The following PDP2 variants were observed in gnomAD, a reference collection of about 807,000 sequenced individuals.
PDP2 encodes the protein [Pyruvate dehydrogenase [acetyl-transferring]]-phosphatase 2, mitochondrial.
A neutral mutation model predicts 34.2 loss-of-function variants in PDP2; 23 were observed. That is an observed-to-expected ratio of 0.67 (90% confidence interval 0.48 to 0.95). The LOEUF (loss-of-function observed/expected upper bound fraction) is 0.95. Ranked by LOEUF, PDP2 falls within the 40% of genes least tolerant of loss-of-function variation. The pLI is 0.00. For synonymous variants in PDP2, 275 were observed against 269.2 expected, an observed-to-expected ratio of 1.02 and a Z score of -0.21; for missense variants, 571 against 659.6, an observed-to-expected ratio of 0.87 and a Z score of 1.47.
Position 66,885,322 on chromosome 16 carries a change from G to C in PDP2, c.1038G>C (p.Arg346Ser). Residue 346 changes from arginine to serine, a missense_variant, in exon 2 of 2, where the codon AGG becomes AGC. This residue lies in a region of PDP2 where 281 missense variants were observed against 375.8 expected (regional missense o/e 0.75). Coordinates refer to ENST00000311765, the MANE Select transcript of PDP2 (RefSeq NM_020786.4). This position sits in a 1 kb window ranked among gnomAD's most constrained non-coding sequence, Gnocchi z 4.6. The stretch of plus-strand genomic sequence containing the variant: ...TACTGGGCGTCCTCATCCCCTGCAG[G>C]GCCTTTGGGGATGTTCAGCTGAAGT... The part of the protein sequence containing the change: ...DRLLGVLIPC[R>S]AFGDVQLKWS... The C allele has an allele frequency of 6.2e-7, 1 of 1,613,992 alleles. No individual in the cohort carries two copies. The highest frequency in any genetic ancestry group is 1.1e-5 in the South Asian group (1 of 91,066).
In PDP2 at chr16:66,885,910, G is replaced by C. The variant is rs201365694; in HGVS notation, c.*36G>C. On this transcript the variant is annotated 3_prime_UTR_variant, in exon 2 of 2. Coordinates refer to ENST00000311765, the MANE Select transcript of PDP2 (RefSeq NM_020786.4). The surrounding 1 kb of genome is among the most constrained non-coding windows in gnomAD (Gnocchi z 4.6). The stretch of plus-strand genomic sequence containing the variant: ...TCCTATTGTCAAGGTTAACATAAAT[G>C]CTCTTCTAAAATGTTTCACTTACTC... The C allele has an allele frequency of 3.0e-5, 46 of 1,553,298 alleles. No homozygotes were observed. The East Asian group carries it at 6.8e-4, about 23-fold the overall frequency.
rs553848015 is a variant in PDP2 at position 66,887,380 on chromosome 16, C to A, written c.*1506C>A. 1 of 166,930 alleles carries A rather than the reference C, an allele frequency of 6.0e-6. No homozygotes were observed. The highest frequency in any genetic ancestry group is 1.5e-5 in the Non-Finnish European group (1 of 68,098). 10.3% of individuals were successfully genotyped at this position (166,930 alleles called of 1,614,324 possible). ...CCAACAATTTTATTTGCCTCTACTA[C>A]GTCAGGCAGAATTCTTCAATTAAGT... On this transcript the variant is annotated 3_prime_UTR_variant, in exon 2 of 2. Coordinates refer to ENST00000311765, the MANE Select transcript of PDP2 (RefSeq NM_020786.4).
intron 1 of PDP2, among the ~76,000 whole-genome samples, chr16:66,882,333 G>A (rs545590910): frequency 2.6e-5 from 4 of 152,258 alleles, no homozygotes; most frequent in Admixed American, 2.0e-4. Flanking sequence ...CTATGTAGGA[G>A]GCTGAGGCAG....
chr16:66,885,013 GC>G lies in PDP2; in HGVS notation c.730del (p.Leu244TrpfsTer11), dbSNP rs771525009. 1.9e-6 allele frequency: 3 copies of G among 1,613,280 alleles called. No homozygotes were observed. On this transcript the variant is annotated frameshift_variant, in exon 2 of 2. Coordinates refer to ENST00000311765, the MANE Select transcript of PDP2 (RefSeq NM_020786.4). LOFTEE classifies it high-confidence loss of function. The surrounding 1 kb of genome is among the most constrained non-coding windows in gnomAD (Gnocchi z 4.6). ...SFQRLDSDIS[L>X]EIQAPLEDEV... is the part of the protein sequence containing the mutation. ...TCCAGAGACTGGATTCTGACATCTCGCTGGAAATCCAGGCCCCCCTGGAAGA... is the reference window on the plus strand; with the variant it reads ...TCCAGAGACTGGATTCTGACATCTCGTGGAAATCCAGGCCCCCCTGGAAGA...
In PDP2 at chr16:66,888,021, CCTTCCTTCCTTCCTTCCTTCCTT is replaced by C. The variant is rs1961851389; in HGVS notation, c.*2149_*2171del. The C allele has an allele frequency of 7.0e-6, 1 of 143,146 alleles. No individual in the cohort carries two copies. The highest frequency in any genetic ancestry group is 2.6e-5 in the African/African-American group (1 of 38,504). The allele number at this position is 143,146 out of a possible 1,614,324, so 8.9% of individuals were successfully genotyped here. A position where few individuals can be genotyped will look rare whatever the true frequency, so the allele number is the denominator to read the frequency against. ...TCCTTCCTTCCTTCCTTCCTTCCTT[CCTTCCTTCCTTCCTTCCTTCCTT>C]CCTTCCTTCCTTCCTCTCTCTCTCT... On this transcript the variant is annotated 3_prime_UTR_variant, in exon 2 of 2. Coordinates refer to ENST00000311765, the MANE Select transcript of PDP2 (RefSeq NM_020786.4).
At position 66,887,896 on chromosome 16, in the gene PDP2, G is replaced by A. The variant is rs1961832447; in HGVS notation, c.*2022G>A. 1 of 150,116 alleles carries A rather than the reference G, an allele frequency of 6.7e-6. No homozygotes were observed. The highest frequency in any genetic ancestry group is 6.7e-5 in the Admixed American group (1 of 15,024). The allele number at this position is 150,116 out of a possible 1,614,324, so 9.3% of individuals were successfully genotyped here. On this transcript the variant is annotated 3_prime_UTR_variant, in exon 2 of 2. Coordinates refer to ENST00000311765, the MANE Select transcript of PDP2 (RefSeq NM_020786.4). ...GAACCCGGGAGGCGGAGGTTGCGGT[G>A]AGCCAAGATCGCACCATTGCACTCC...
rs768483735 is a variant in PDP2, at chr16:66,884,445, G to T, written c.161G>T (p.Cys54Phe). The T allele has an allele frequency of 6.2e-7, 1 of 1,614,204 alleles. No individual in the cohort carries two copies. The highest frequency in any genetic ancestry group is 8.5e-7 in the Non-Finnish European group (1 of 1,180,042). Reference protein sequence around the residue: ...RVPPTLNSSPCGGFTLCKAYR... With the variant: ...RVPPTLNSSPFGGFTLCKAYR... ...CCACCCACCCTAAACAGTTCCCCAT[G>T]TGGTGGCTTTACTCTGTGCAAAGCC... The change falls in exon 2 of 2, where the codon TGT becomes TTT. Residue 54 changes from cysteine to phenylalanine, a missense_variant. Transcript: ENST00000311765.
chr16:66,881,140 G>C (rs973106430), intron 1 of PDP2, among the ~76,000 whole-genome samples: 2 of 152,196 alleles, frequency 1.3e-5, no homozygotes, highest in African/African-American at 2.4e-5. Flanking sequence ...GGACCTGTCT[G>C]TTTTCTTTAA....
chr16:66,881,431 TAATTTA>T (rs869083036), intron 1 of PDP2, among the ~76,000 whole-genome samples: 3 of 113,960 alleles, frequency 2.6e-5, no homozygotes, highest in African/African-American at 1.3e-4. Flanking sequence ...TTTTTTTTTT[TAATTTA>T]ATTTAATTTA....
chr16:66,883,405 T>G (rs532301782), intron 1 of PDP2, among the ~76,000 whole-genome samples: 1 of 152,182 alleles, frequency 6.6e-6, no homozygotes, highest in Non-Finnish European at 1.5e-5. Flanking sequence ...GTGCTGGGAT[T>G]ACAGGCGTGA....
chr16:66,883,354 G>C (rs1401651510), intron 1 of PDP2, among the ~76,000 whole-genome samples: 1 of 152,018 alleles, frequency 6.6e-6, no homozygotes, highest in Non-Finnish European at 1.5e-5. Context: ...GGATGGTCTC[G>C]ATCTCCTGAA....
Position 66,888,005 on chromosome 16 carries a change from CCTTCCTTCCT to C in PDP2, c.*2132_*2141del, listed in dbSNP as rs1961848863. ...TCTCTTAGTCCGTCCTTCCTTCCTT[CCTTCCTTCCT>C]TCCTTCCTTCCTTCCTTCCTTCCTT... On this transcript the variant is annotated 3_prime_UTR_variant, in exon 2 of 2. Transcript: ENST00000311765. 1 of 95,774 alleles carries C rather than the reference CCTTCCTTCCT, an allele frequency of 1.0e-5. No homozygotes were observed. 5.9% of individuals were successfully genotyped at this position (95,774 alleles called of 1,614,324 possible). A position where few individuals can be genotyped will look rare whatever the true frequency, so the allele number is the denominator to read the frequency against.
chr16:66,885,419 A>G lies in PDP2; in HGVS notation c.1135A>G (p.Thr379Ala). 1.9e-6 allele frequency: 3 copies of G among 1,613,748 alleles called. No individual in the cohort carries two copies. The highest frequency in any genetic ancestry group is 2.5e-6 in the Non-Finnish European group (3 of 1,180,018). The change falls in exon 2 of 2, where the codon ACA (threonine) becomes GCA (alanine). Residue 379 changes from threonine (T) to alanine (A), a missense_variant. Physicochemically the swap from Thr to Ala is moderately conservative, Grantham distance 58. Around this residue, in one of 2 missense-constraint regions of PDP2, gnomAD observed 281 missense variants for 375.8 expected, o/e 0.75. Coordinates refer to ENST00000311765, the MANE Select transcript of PDP2 (RefSeq NM_020786.4). The surrounding 1 kb of genome is among the most constrained non-coding windows in gnomAD (Gnocchi z 4.6). ...CGAGGCCCTCAACATTTACCAGTTCACACCCCCACACTACTACACTCCACC... is the reference window on the plus strand; with the variant it reads ...CGAGGCCCTCAACATTTACCAGTTCGCACCCCCACACTACTACACTCCACC... Reference protein sequence around the residue: ...NTEALNIYQFTPPHYYTPPYL... With the variant: ...NTEALNIYQFAPPHYYTPPYL...
At chr16:66,883,362 G>A (rs1157091230) in intron 1 of PDP2, among the ~76,000 whole-genome samples, 1 of 152,114 alleles carries the variant, frequency 6.6e-6, no homozygotes, top group African/African-American at 2.4e-5. Context: ...TCGATCTCCT[G>A]AACTCGTGAT....
Position 66,884,416 on chromosome 16 carries a change from G to T in PDP2, c.132G>T (p.Arg44=), listed in dbSNP as rs1424056349. The T allele has an allele frequency of 6.2e-7, 1 of 1,614,014 alleles. No homozygotes were observed. The highest frequency in any genetic ancestry group is 1.7e-5 in the Admixed American group (1 of 60,000). The change falls in exon 2 of 2, where the codon CGG becomes CGT. Residue 44 remains arginine (R), a synonymous_variant. Transcript: ENST00000311765. ...RNKLKWRLFS[R]VPPTLNSSPC... is the part of the protein sequence containing the mutation. ...AATTAAAATGGAGGCTCTTTTCCCG[G>T]GTGCCACCCACCCTAAACAGTTCCC...
In PDP2 at chr16:66,885,708, T is replaced by G; in HGVS notation, c.1424T>G (p.Ile475Ser). 1.2e-6 allele frequency: 2 copies of G among 1,613,980 alleles called. No homozygotes were observed. The highest frequency in any genetic ancestry group is 1.7e-6 in the Non-Finnish European group (2 of 1,180,012). Residue 475 changes from isoleucine (I) to serine (S), a missense_variant, in exon 2 of 2, where the codon ATC becomes AGC. This residue lies in a region of PDP2 where 281 missense variants were observed against 375.8 expected (regional missense o/e 0.75). Transcript: ENST00000311765. The surrounding 1 kb of genome is among the most constrained non-coding windows in gnomAD (Gnocchi z 4.6). ...GACCAAAATGCAGCCACGCGGCTGA[T>G]CAGACATGCCATCGGGAACAATGAG... ...EADQNAATRL[I>S]RHAIGNNEYG...
At position 66,888,885 on chromosome 16, in the gene PDP2, T is replaced by A. The variant is rs1241930045; in HGVS notation, c.*3011T>A. On this transcript the variant is annotated 3_prime_UTR_variant, in exon 2 of 2. Coordinates refer to ENST00000311765, the MANE Select transcript of PDP2 (RefSeq NM_020786.4). ...GCATATCTGGTTTTTCTCTGCCTAA[T>A]AGATTTTCCTGCTTTCTAGTTAGTA... 6.6e-6 allele frequency: 1 copy of A among 152,278 alleles called. No individual in the cohort carries two copies. Among genetic ancestry groups the A allele is most frequent in the Non-Finnish European group, 1.5e-5 (1 of 68,044 alleles). The allele number at this position is 152,278 out of a possible 1,614,324, so 9.4% of individuals were successfully genotyped here. A position where few individuals can be genotyped will look rare whatever the true frequency, so the allele number is the denominator to read the frequency against.
chr16:66,885,206 G>T lies in PDP2; in HGVS notation c.922G>T (p.Asp308Tyr). Residue 308 changes from aspartate (D) to tyrosine (Y), a missense_variant, in exon 2 of 2, where the codon GAC (aspartate) becomes TAC (tyrosine). By Grantham distance (160) the Asp-to-Tyr change is radical. Transcript: ENST00000311765. The surrounding 1 kb of genome is among the most constrained non-coding windows in gnomAD (Gnocchi z 4.6). ...GTGGTCTTGTCTGCCCCTTACACGT[G>T]ACCACAATGCCTGGAACCAGGCCGA... is the stretch of plus-strand genomic sequence containing the variant. ...GMWSCLPLTRDHNAWNQAELS... is the reference protein window; with the variant it reads ...GMWSCLPLTRYHNAWNQAELS... 1 of 1,614,030 alleles carries T rather than the reference G, an allele frequency of 6.2e-7. No homozygotes were observed. The highest frequency in any genetic ancestry group is 1.1e-5 in the South Asian group (1 of 91,066).
rs574283354 is a variant in PDP2, at chr16:66,880,938, C to T, written c.-55+298C>T. Reference sequence around the variant, plus strand: ...AGCTGCTCTGGCCTATCGAGCACCCCTTGGAGCTCTGTGTCCCGACTGCAC... The same window carrying T: ...AGCTGCTCTGGCCTATCGAGCACCCTTTGGAGCTCTGTGTCCCGACTGCAC... On this transcript the variant is annotated intron_variant, in intron 1 of 1. Transcript: ENST00000311765. 6.6e-5 allele frequency among the ~76,000 whole-genome samples: 10 copies of T among 152,318 alleles called. No individual in the cohort carries two copies. In the South Asian group the frequency reaches 2.1e-3, roughly 32 times the overall value.
Sources: gnomAD v4.1 joint callset for allele counts (sites outside exome capture counted in the v4.1 genomes callset) on GRCh38, gnomAD v4.1.1 for gene constraint, gnomAD v4.1.1 regional missense constraint, Gnocchi (gnomAD v3.1) non-coding constraint, MANE v1.5 for transcripts, NCBI Gene and HGNC (gene_info 2026-07-23, HGNC 2026-07-21) for gene names.